Variants in DNAH3 observed in about 807,000 individuals in gnomAD.
The protein encoded by DNAH3 is dynein axonemal heavy chain 3.
Under a neutral mutation model 432.5 loss-of-function variants are expected in DNAH3, and 332 were observed. That is an observed-to-expected ratio of 0.77 (90% confidence interval 0.70 to 0.84). The LOEUF (loss-of-function observed/expected upper bound fraction) is 0.84, where lower values mean the gene tolerates loss of function less well. Among genes scored for constraint, DNAH3 ranks in the 40% least tolerant of loss-of-function variants. The pLI is 0.00. For synonymous variants in DNAH3, 1,956 were observed against 1,900.2 expected, an observed-to-expected ratio of 1.03 and a Z score of -0.76; for missense variants, 4,861 against 5,114.0, an observed-to-expected ratio of 0.95 and a Z score of 1.51.
rs1213194475 is a variant in DNAH3 at position 20,935,499 on chromosome 16, G to C, written c.11860-14C>G. The C allele has an allele frequency of 1.2e-6, 2 of 1,607,692 alleles. No homozygotes were observed. The highest frequency in any genetic ancestry group is 1.7e-6 in the Non-Finnish European group (2 of 1,178,658). On this transcript the variant is annotated splice_polypyrimidine_tract_variant and intron_variant, in intron 60 of 61. Transcript: ENST00000261383. Reference sequence around the variant, plus strand: ...GTCAATCCATTCCTGGAGAGCCACAGAAATCAAGATTCAAAATCAACAACA... The same window carrying C: ...GTCAATCCATTCCTGGAGAGCCACACAAATCAAGATTCAAAATCAACAACA...
At position 21,022,104 on chromosome 16, in the gene DNAH3, A is replaced by T. The variant is rs779514588; in HGVS notation, c.5647-4T>A. On this transcript the variant is annotated splice_region_variant and splice_polypyrimidine_tract_variant and intron_variant, in intron 39 of 61. Coordinates refer to ENST00000261383, the Ensembl canonical transcript of DNAH3. ...GCCACATGAACATGTCATTGACCTG[A>T]GAGTAGAAACCTCCATGAGACTTGG... The T allele has an allele frequency of 1.2e-6, 2 of 1,613,852 alleles. No individual in the cohort carries two copies. The highest frequency in any genetic ancestry group is 3.3e-5 in the Admixed American group (2 of 59,996).
chr16:21,032,810 T>C (rs767221958), intron 36 of DNAH3, among the ~76,000 whole-genome samples: 1 of 151,854 alleles, frequency 6.6e-6, no homozygotes, highest in Non-Finnish European at 1.5e-5. Context: ...AATAATTAAA[T>C]AAATAAAAAA....
chr16:21,033,994 G>C (rs1480233737), exon 36 of DNAH3: 1 of 1,613,608 alleles, frequency 6.2e-7, no homozygotes, highest in Non-Finnish European at 8.5e-7. Flanking sequence ...ATCGCCGAGA[G>C]CTGCAGCCAA....
At chr16:21,027,062 G>A (rs374964444) in exon 38 of DNAH3, 41 of 1,613,610 alleles carry the variant, frequency 2.5e-5, no homozygotes, top group Non-Finnish European at 3.4e-5. Context: ...GCTCGAGGTC[G>A]GCGGGCTCGA....
intron 22 of DNAH3, among the ~76,000 whole-genome samples, chr16:21,070,428 A>AC (rs1477472182): frequency 6.6e-6 from 1 of 151,910 alleles, no homozygotes; most frequent in African/African-American, 2.4e-5. Context: ...GATTACAGGC[A>AC]CCCTCCACTA....
chr16:20,976,979 G>A (rs923255052), intron 50 of DNAH3, among the ~76,000 whole-genome samples: 2 of 152,214 alleles, frequency 1.3e-5, no homozygotes, highest in African/African-American at 4.8e-5. Flanking sequence ...ACAGTCTGAT[G>A]CTCTATAAAA....
intron 48 of DNAH3, 117 bp from the exon 49 acceptor site, chr16:20,983,003 C>T (rs2085985198): frequency 7.3e-6 from 8 of 1,091,938 alleles, no homozygotes; most frequent in Non-Finnish European, 1.1e-5. Flanking sequence ...CCTCCTGGCG[C>T]TCCAGGGATG....
intron 31 of DNAH3, among the ~76,000 whole-genome samples, chr16:21,047,701 T>G (rs1035786837): frequency 2.0e-5 from 3 of 152,152 alleles, no homozygotes; most frequent in Non-Finnish European, 4.4e-5. Flanking sequence ...CCATCCAGCT[T>G]TGTTCCGTTG....
At chr16:21,014,877 C>T in intron 41 of DNAH3, among the ~76,000 whole-genome samples, 1 of 151,964 alleles carries the variant, frequency 6.6e-6, no homozygotes, top group Middle Eastern at 3.4e-3. Context: ...ATAAATTTAA[C>T]AAAAAATATA....
intron 55 of DNAH3, among the ~76,000 whole-genome samples, chr16:20,954,328 T>C (rs2084459990): frequency 1.3e-5 from 2 of 149,026 alleles, no homozygotes; most frequent in South Asian, 4.4e-4. Flanking sequence ...TCTCACTCTG[T>C]CACCCAGGCT....
At chr16:21,069,625 T>C (rs758811169) in intron 22 of DNAH3, 31 bp from the exon 23 acceptor site, 1 of 1,579,404 alleles carries the variant, frequency 6.3e-7, no homozygotes, top group Admixed American at 1.8e-5. Flanking sequence ...ATCTGGATCA[T>C]TAACCTGCCA....
exon 54 of DNAH3, chr16:20,959,217 C>T: frequency 1.9e-6 from 3 of 1,614,202 alleles, no homozygotes; most frequent in Non-Finnish European, 1.7e-6. Context: ...CAATCACCTC[C>T]TCACAAATCT....
chr16:21,142,952 A>G (rs547089085), intron 3 of DNAH3, among the ~76,000 whole-genome samples: 1 of 152,344 alleles, frequency 6.6e-6, no homozygotes, highest in South Asian at 2.1e-4. Context: ...TAATACAGCA[A>G]TAACAATATT....
intron 52 of DNAH3, 50 bp from the exon 53 acceptor site, chr16:20,965,475 A>T (rs774493457): frequency 1.4e-6 from 2 of 1,443,008 alleles, no homozygotes; most frequent in Admixed American, 4.8e-5. Context: ...TCTGGCCAAG[A>T]CTTAAAATTC....
At chr16:21,085,606 T>A (rs973375539) in intron 19 of DNAH3, among the ~76,000 whole-genome samples, 2 of 151,434 alleles carry the variant, frequency 1.3e-5, no homozygotes, top group East Asian at 3.9e-4. Flanking sequence ...CCCCATCCTT[T>A]GGTTAGGTCT....
intron 12 of DNAH3, among the ~76,000 whole-genome samples, chr16:21,114,872 C>T (rs2092151290): frequency 6.6e-6 from 1 of 152,110 alleles, no homozygotes; most frequent in African/African-American, 2.4e-5. Context: ...ACCATTTAAC[C>T]CAGTTGATCC....
intron 57 of DNAH3, among the ~76,000 whole-genome samples, chr16:20,945,040 C>A (rs968021547): frequency 3.9e-5 from 6 of 152,160 alleles, no homozygotes; most frequent in African/African-American, 1.4e-4. Flanking sequence ...AGGCTGACAC[C>A]TAGTGGGCTG....
intron 57 of DNAH3, 26 bp downstream of exon 57, chr16:20,948,457 G>A (rs556394610): frequency 1.2e-6 from 2 of 1,608,204 alleles, no homozygotes; most frequent in Non-Finnish European, 1.7e-6. Context: ...GGGGGAAAGA[G>A]GTAGGCCTCC....
intron 12 of DNAH3, among the ~76,000 whole-genome samples, chr16:21,113,777 G>A (rs2092125930): frequency 6.6e-6 from 1 of 152,100 alleles, no homozygotes; most frequent in African/African-American, 2.4e-5. Context: ...TTAATTTTAA[G>A]TGGAAATGAT....
Sources: gnomAD v4.1 joint callset for allele counts (sites outside exome capture counted in the v4.1 genomes callset) on GRCh38, gnomAD v4.1.1 for gene constraint, MANE v1.5 for transcripts, NCBI Gene and HGNC (gene_info 2026-07-23, HGNC 2026-07-21) for gene names.